The following TULP4 variants were observed in gnomAD, a reference collection of about 807,000 sequenced individuals.
TULP4 encodes the protein TUB like protein 4.
Under a neutral mutation model 129.0 loss-of-function variants are expected in TULP4, and 16 were observed. The ratio of observed to expected loss-of-function variants is 0.12; its 90% CI spans 0.08 to 0.19. TULP4 has a LOEUF of 0.19. Ranked by LOEUF, TULP4 falls within the 10% of genes least tolerant of loss-of-function variation. TULP4 has a pLI of 1.00. For synonymous variants in TULP4, 998 were observed against 854.0 expected (o/e 1.17, Z -2.94); for missense variants, 1,842 against 2,059.1 (o/e 0.89, Z 2.04).
At chr6:158,348,599 C>T (rs996386840) in intron 1 of TULP4, among the ~76,000 whole-genome samples, 1 of 152,074 alleles carries the variant, frequency 6.6e-6, no homozygotes, top group Non-Finnish European at 1.5e-5. Context: ...CAGTAACAAT[C>T]TGATCTCTCT....
At chr6:158,340,546 C>T (rs958863833) in intron 1 of TULP4, among the ~76,000 whole-genome samples, 2 of 152,138 alleles carry the variant, frequency 1.3e-5, no homozygotes, top group African/African-American at 4.8e-5. Flanking sequence ...AAACCAGGCC[C>T]TGCACCTGCA....
At chr6:158,346,608 TAAA>T in intron 1 of TULP4, among the ~76,000 whole-genome samples, 1 of 152,264 alleles carries the variant, frequency 6.6e-6, no homozygotes, top group South Asian at 2.1e-4. Context: ...GCTTATCAAA[TAAA>T]AAAAGCATCT....
rs202165599 is a variant in TULP4 at position 158,502,195 on chromosome 6, C to T, written c.2532C>T (p.Ala844=). Reference sequence around the variant, plus strand: ...CGTACCCAGGAACCATCCCCGCTGCCCCCACCACAGCAGCACCCCCGCCCC... The same window carrying T: ...CGTACCCAGGAACCATCCCCGCTGCTCCCACCACAGCAGCACCCCCGCCCC... ...PPPYPGTIPA[A]PTTAAPPPPL... Residue 844 remains alanine (A), a synonymous_variant, in exon 13 of 14, where the codon GCC becomes GCT. Transcript: ENST00000367097. 3.1e-4 allele frequency: 478 copies of T among 1,527,430 alleles called. 3 individuals are homozygous for T. The East Asian group carries it at 0.011, about 35-fold the overall frequency. 94.6% of individuals were successfully genotyped at this position (1,527,430 alleles called of 1,614,324 possible).
chr6:158,504,897 A>G (rs779499817), intron 13 of TULP4, among the ~76,000 whole-genome samples: 8 of 152,026 alleles, frequency 5.3e-5, no homozygotes, highest in Non-Finnish European at 1.0e-4. Context: ...AGTTTTGCTC[A>G]CCCTATGCAC....
Position 158,331,722 on chromosome 6 carries a change from C to CGTATAT in TULP4, c.252+17454_252+17455insGTATAT, listed in dbSNP as rs1562523116. Among the ~76,000 whole-genome samples the CGTATAT allele has an allele frequency of 5.5e-5, 2 of 36,578 alleles. 1 individual carries two copies. Among genetic ancestry groups the CGTATAT allele is most frequent in the Non-Finnish European group, 1.0e-4 (2 of 19,140 alleles). The allele number at this position is 36,578 out of a possible 152,430, so 24.0% of individuals were successfully genotyped here. ...ACACACACACACACACACACACACA[C>CGTATAT]ACACACATACGTATATATATACGTG... On this transcript the variant is annotated intron_variant, in intron 1 of 13. Transcript: ENST00000367097.
chr6:158,234,219 GT>G (rs1332663339), intron 1 of TULP4, among the ~76,000 whole-genome samples: 1 of 152,176 alleles, frequency 6.6e-6, no homozygotes, highest in Non-Finnish European at 1.5e-5. Context: ...GTTATTCACA[GT>G]TTTTTACCTA....
At chr6:158,237,605 AT>A in intron 1 of TULP4, 1 of 1,461,144 alleles carries the variant, frequency 6.8e-7, no homozygotes, top group African/African-American at 1.4e-5. Context: ...TAGAAAGAAC[AT>A]TCTTGCATTG....
intron 1 of TULP4, among the ~76,000 whole-genome samples, chr6:158,374,346 G>A (rs1320793084): frequency 6.6e-6 from 1 of 151,914 alleles, no homozygotes; most frequent in Non-Finnish European, 1.5e-5. Context: ...GGAATTGGTA[G>A]TGTGGATATA....
intron 1 of TULP4, among the ~76,000 whole-genome samples, chr6:158,299,329 CAT>C (rs957393717): frequency 1.3e-5 from 2 of 152,120 alleles, no homozygotes; most frequent in Admixed American, 6.5e-5. Context: ...ATTACTAAAC[CAT>C]ATGAGTCATT....
intron 3 of TULP4, among the ~76,000 whole-genome samples, chr6:158,434,123 A>G (rs892198316): frequency 3.3e-5 from 5 of 152,138 alleles, no homozygotes; most frequent in Admixed American, 6.6e-5. Context: ...GTCCTGTTGG[A>G]TTAGGTTCCC....
chr6:158,370,907 T>G (rs1385467072), intron 1 of TULP4, among the ~76,000 whole-genome samples: 1 of 152,212 alleles, frequency 6.6e-6, no homozygotes, highest in Non-Finnish European at 1.5e-5. Context: ...GCAAATGTGG[T>G]AGACATCCAC....
At chr6:158,494,484 A>G (rs1313949052) in intron 10 of TULP4, among the ~76,000 whole-genome samples, 2 of 152,116 alleles carry the variant, frequency 1.3e-5, no homozygotes, top group East Asian at 1.9e-4. Flanking sequence ...ATCCCTTTCT[A>G]CGCCTCTTTA....
At chr6:158,306,283 T>C (rs1303075089) in intron 1 of TULP4, among the ~76,000 whole-genome samples, 5 of 152,184 alleles carry the variant, frequency 3.3e-5, no homozygotes, top group African/African-American at 4.8e-5. Context: ...GGCTGGGTGC[T>C]GTAGCTCATG....
chr6:158,440,822 G>A (rs559807558), intron 3 of TULP4, among the ~76,000 whole-genome samples: 1 of 152,234 alleles, frequency 6.6e-6, no homozygotes, highest in South Asian at 2.1e-4. Flanking sequence ...AATAAAATAT[G>A]TTTCTTTAGC....
intron 1 of TULP4, among the ~76,000 whole-genome samples, chr6:158,304,861 C>A (rs1363329223): frequency 2.0e-5 from 3 of 151,790 alleles, no homozygotes; most frequent in African/African-American, 7.3e-5. Context: ...ACGACGGGGT[C>A]TTGCTATATT....
chr6:158,431,918 G>A (rs1416742101), intron 3 of TULP4, among the ~76,000 whole-genome samples: 4 of 151,968 alleles, frequency 2.6e-5, no homozygotes, highest in Admixed American at 2.6e-4. Context: ...CTGTCCTGAT[G>A]ACTGCTTTTA....
At position 158,313,594 on chromosome 6, in the gene TULP4, A is replaced by G. The variant is rs144620890; in HGVS notation, c.-423A>G. 17 of 410,802 alleles carry G rather than the reference A, an allele frequency of 4.1e-5. No individual in the cohort carries two copies. The highest frequency in any genetic ancestry group is 8.1e-5 in the Admixed American group (2 of 24,812). 25.4% of individuals were successfully genotyped at this position (410,802 alleles called of 1,614,324 possible). A position where few individuals can be genotyped will look rare whatever the true frequency, so the allele number is the denominator to read the frequency against. Reference sequence around the variant, plus strand: ...GTTACTTGAAATCTATGTATTTGCAACCCTTTGTCTCTGGAATCATATTAC... The same window carrying G: ...GTTACTTGAAATCTATGTATTTGCAGCCCTTTGTCTCTGGAATCATATTAC... On this transcript the variant is annotated 5_prime_UTR_variant, in exon 1 of 14. Coordinates refer to ENST00000367097, the MANE Select transcript of TULP4 (RefSeq NM_020245.5).
chr6:158,325,467 C>G (rs1483055306), intron 1 of TULP4, among the ~76,000 whole-genome samples: 1 of 151,504 alleles, frequency 6.6e-6, no homozygotes, highest in African/African-American at 2.4e-5. Flanking sequence ...ATTCTCCTGC[C>G]TTAGCCTCCC....
At chr6:158,344,063 TC>T (rs905353666) in intron 1 of TULP4, among the ~76,000 whole-genome samples, 1 of 152,126 alleles carries the variant, frequency 6.6e-6, no homozygotes, top group Non-Finnish European at 1.5e-5. Flanking sequence ...CTTTGTAATC[TC>T]CCCCACCCTT....
Sources: allele counts gnomAD v4.1 joint callset (sites outside exome capture counted in the v4.1 genomes callset), GRCh38; gene constraint gnomAD v4.1.1; transcripts MANE v1.5; gene names NCBI Gene and HGNC (gene_info 2026-07-23, HGNC 2026-07-21).